Variants in VPS53 observed in about 807,000 individuals in gnomAD.
VPS53 encodes the protein VPS53 subunit of GARP complex.
VPS53 carries 70 observed loss-of-function variants against 107.0 expected under a neutral mutation model. That is an observed-to-expected ratio of 0.65 (90% CI 0.54 to 0.80). The LOEUF is 0.80. Among genes scored for constraint, VPS53 ranks in the 30% least tolerant of loss-of-function variants. VPS53 has a pLI of 0.00. For synonymous variants in VPS53, 409 were observed against 393.3 expected, an observed-to-expected ratio of 1.04 and a Z score of -0.47; for missense variants, 917 against 1,049.4, an observed-to-expected ratio of 0.87 and a Z score of 1.74.
In VPS53 at chr17:562,553, C is replaced by T; in HGVS notation, c.1506G>A (p.Gln502=). 1.9e-6 allele frequency: 3 copies of T among 1,613,970 alleles called. No homozygotes were observed. Among genetic ancestry groups the T allele is most frequent in the Non-Finnish European group, 2.5e-6 (3 of 1,179,988 alleles). Residue 502 remains glutamine, a synonymous_variant, in exon 14 of 22, where the codon CAG becomes CAA. Transcript: ENST00000437048. ...TCCAGGCGTATTCTCGGAGGTACTT[C>T]TGGAAAATGGTGGTCAGGGCGATCA... The part of the protein sequence containing the change: ...EPMIALTTIF[Q]KYLREYAWKI...
chr17:525,822 AC>A (rs773786352), intron 19 of VPS53, among the ~76,000 whole-genome samples: 15 of 151,580 alleles, frequency 9.9e-5, no homozygotes, highest in African/African-American at 3.4e-4. Context: ...ACATGGTGAG[AC>A]CCCATCTCTA....
At chr17:659,712 A>G (rs1567717030) in intron 5 of VPS53, among the ~76,000 whole-genome samples, 1 of 151,910 alleles carries the variant, frequency 6.6e-6, no homozygotes, top group Non-Finnish European at 1.5e-5. Context: ...TGTCCTAAAT[A>G]TTCTCCCTCT....
At chr17:597,285 C>T (rs992728571) in intron 12 of VPS53, among the ~76,000 whole-genome samples, 4 of 152,156 alleles carry the variant, frequency 2.6e-5, no homozygotes, top group Non-Finnish European at 5.9e-5. Flanking sequence ...TTCCCTCCAA[C>T]CACCTCTGGC....
At chr17:631,737 G>A in intron 7 of VPS53, 109 bp from the exon 8 acceptor site, 2 of 909,160 alleles carry the variant, frequency 2.2e-6, no homozygotes, top group Non-Finnish European at 3.4e-6. Context: ...GCCAGGAAGG[G>A]TACAGAGACG....
rs140664016 is a variant in VPS53 at position 698,933 on chromosome 17, G to A, written c.218+398C>T. On this transcript the variant is annotated intron_variant, in intron 3 of 21. Coordinates refer to ENST00000437048, the MANE Select transcript of VPS53 (RefSeq NM_001128159.3). ...CTGTCATCCCAGCACGTTGGGAGGC[G>A]AAGGCAGGTGGATCACTTGAGGTCA... 0.013 allele frequency among the ~76,000 whole-genome samples: 2,019 copies of A among 151,812 alleles called. 116 individuals are homozygous for A. The East Asian group carries it at 0.21, about 16-fold the overall frequency.
At chr17:629,594 T>C (rs1567689506) in intron 8 of VPS53, among the ~76,000 whole-genome samples, 1 of 149,628 alleles carries the variant, frequency 6.7e-6, no homozygotes, top group Non-Finnish European at 1.5e-5. Context: ...CCATCTCTAC[T>C]AAAAAAAAAT....
At chr17:610,733 C>T (rs1195121967) in intron 11 of VPS53, among the ~76,000 whole-genome samples, 8 of 145,692 alleles carry the variant, frequency 5.5e-5, no homozygotes, top group South Asian at 2.2e-4. Flanking sequence ...CTGGCCAACA[C>T]GGCAAAACCC....
At chr17:576,736 C>A (rs973495366) in intron 13 of VPS53, among the ~76,000 whole-genome samples, 1 of 151,044 alleles carries the variant, frequency 6.6e-6, no homozygotes, top group Non-Finnish European at 1.5e-5. Context: ...CACAGAACCT[C>A]CCTCAGAACC....
chr17:598,404 G>A (rs959063778), intron 12 of VPS53, among the ~76,000 whole-genome samples: 6 of 151,388 alleles, frequency 4.0e-5, no homozygotes, highest in African/African-American at 1.2e-4. Flanking sequence ...AGTGAGAAGC[G>A]TCTCTGCCTG....
chr17:657,611 T>C (rs2543777), intron 5 of VPS53: 159,063 of 681,866 alleles, frequency 0.23, 20,632 homozygotes, highest in Non-Finnish European at 0.27. Flanking sequence ...AGTTTCTTAA[T>C]AGCAATTTGG....
chr17:610,522 A>G (rs1968811245), intron 11 of VPS53, among the ~76,000 whole-genome samples: 3 of 152,168 alleles, frequency 2.0e-5, no homozygotes, highest in Non-Finnish European at 4.4e-5. Context: ...AACCTTCATT[A>G]AAACGGAAAT....
intron 4 of VPS53, among the ~76,000 whole-genome samples, chr17:675,843 G>A (rs1972138815): frequency 6.6e-6 from 1 of 151,756 alleles, no homozygotes; most frequent in Admixed American, 6.6e-5. Flanking sequence ...CAAATTGGGG[G>A]TCATTATGAA....
intron 11 of VPS53, among the ~76,000 whole-genome samples, chr17:605,487 T>G (rs1174796462): frequency 2.4e-5 from 2 of 84,150 alleles, no homozygotes; most frequent in African/African-American, 4.9e-5. Flanking sequence ...GTAAGAGGGG[T>G]GGCGGGAGTC....
At position 656,699 on chromosome 17, in the gene VPS53, AATGTGTGT is replaced by A; in HGVS notation, c.373-754_373-747del. ...GTTTCTTGGTCCATGCTGACTAAGA[AATGTGTGT>A]GTGTGTGTGTGTGTGTGTGTGTGTT... On this transcript the variant is annotated intron_variant, in intron 5 of 21. Transcript: ENST00000437048. The A allele has an allele frequency of 8.1e-6, 4 of 495,664 alleles. No individual in the cohort carries two copies. In the South Asian group the frequency reaches 8.8e-5, roughly 11 times the overall value. The allele number at this position is 495,664 out of a possible 1,614,324, so 30.7% of individuals were successfully genotyped here.
chr17:564,986 C>A (rs1913358071), intron 13 of VPS53, among the ~76,000 whole-genome samples: 1 of 152,122 alleles, frequency 6.6e-6, no homozygotes, highest in South Asian at 2.1e-4. Context: ...TATAGGAATC[C>A]AGCTGTGTTT....
chr17:688,871 T>C (rs527815659), intron 4 of VPS53, among the ~76,000 whole-genome samples: 3 of 152,352 alleles, frequency 2.0e-5, no homozygotes, highest in Admixed American at 6.5e-5. Context: ...TCCCAGGTCA[T>C]GTCCAAACCT....
chr17:551,969 A>C lies in VPS53; in HGVS notation c.1788-19T>G, dbSNP rs368646510. On this transcript the variant is annotated intron_variant, in intron 16 of 21. Coordinates refer to ENST00000437048, the MANE Select transcript of VPS53 (RefSeq NM_001128159.3). ...GATGACGCTGCAAATCAAACAAATC[A>C]CTGTGGTCACCCTTTCAAACAACGG... 51 of 1,572,052 alleles carry C rather than the reference A, an allele frequency of 3.2e-5. No individual in the cohort carries two copies. In the African/African-American group the frequency reaches 6.3e-4, roughly 20 times the overall value.
At chr17:644,584 GT>G (rs529407922) in intron 7 of VPS53, among the ~76,000 whole-genome samples, 2,913 of 134,770 alleles carry the variant, frequency 0.022, 42 homozygotes, top group Non-Finnish European at 0.033. Flanking sequence ...TCTTTTTAGT[GT>G]TATTTTTTTT....
intron 11 of VPS53, among the ~76,000 whole-genome samples, chr17:619,318 C>T (rs12937766): frequency 0.27 from 31,860 of 116,046 alleles, 1,188 homozygotes; most frequent in Admixed American, 0.34. Flanking sequence ...ACTACAGGCG[C>T]GCACCACCAC....
Sources: gnomAD v4.1 joint callset for allele counts (sites outside exome capture counted in the v4.1 genomes callset) on GRCh38, gnomAD v4.1.1 for gene constraint, MANE v1.5 for transcripts, NCBI Gene and HGNC (gene_info 2026-07-23, HGNC 2026-07-21) for gene names.